FBXL7: variants seen among roughly 807,000 people sequenced by gnomAD.
FBXL7 encodes the protein F-box/LRR-repeat protein 7.
Under a neutral mutation model 38.3 loss-of-function variants are expected in FBXL7, and 12 were observed. The observed-to-expected ratio is 0.31, with a 90% CI of 0.20 to 0.51. The LOEUF (loss-of-function observed/expected upper bound fraction) is 0.51, where lower values mean the gene tolerates loss of function less well. Among genes scored for constraint, FBXL7 ranks in the 20% least tolerant of loss-of-function variants. The pLI is 0.98. For missense variants in FBXL7, 567 were observed against 676.4 expected (o/e 0.84, Z 1.79); for synonymous variants, 297 against 300.9 (o/e 0.99, Z 0.13).
At chr5:15,527,085 A>G (rs1000508545) in intron 1 of FBXL7, among the ~76,000 whole-genome samples, 1 of 152,254 alleles carries the variant, frequency 6.6e-6, no homozygotes, top group African/African-American at 2.4e-5. Context: ...CTTTTAGACC[A>G]GTACACCTAG....
At chr5:15,917,319 A>G (rs1741608667) in intron 2 of FBXL7, among the ~76,000 whole-genome samples, 1 of 152,170 alleles carries the variant, frequency 6.6e-6, no homozygotes, top group Admixed American at 6.5e-5. Context: ...CGCCATAAAT[A>G]TATGGTGATT....
rs548383613 is a variant in FBXL7 at position 15,853,350 on chromosome 5, T to TC, written c.128-74540_128-74539insC. Among the ~76,000 whole-genome samples the TC allele has an allele frequency of 2.6e-3, 400 of 152,192 alleles. 2 individuals carry two copies. Among genetic ancestry groups the TC allele is most frequent in the Non-Finnish European group, 4.2e-3 (285 of 68,012 alleles). ...CTGTATTTTCAAGGAGGTGACATCT[T>TC]GAAGGGGAATTTATGGGATGAGAAA... On this transcript the variant is annotated intron_variant, in intron 2 of 3. Transcript: ENST00000504595.
At chr5:15,806,436 G>A (rs1737714220) in intron 2 of FBXL7, among the ~76,000 whole-genome samples, 1 of 151,992 alleles carries the variant, frequency 6.6e-6, no homozygotes. Flanking sequence ...AAAAAAAATA[G>A]TATCAATAAC....
intron 2 of FBXL7, among the ~76,000 whole-genome samples, chr5:15,778,858 A>G (rs537390546): frequency 3.9e-5 from 6 of 152,306 alleles, no homozygotes; most frequent in African/African-American, 1.4e-4. Context: ...GAAATTGATC[A>G]TGAAAGGATA....
At chr5:15,838,256 G>A (rs1738642517) in intron 2 of FBXL7, among the ~76,000 whole-genome samples, 1 of 152,266 alleles carries the variant, frequency 6.6e-6, no homozygotes, top group East Asian at 1.9e-4. Flanking sequence ...AATTTACATT[G>A]TACAGTTCTA....
chr5:15,759,513 G>A (rs1736386461), intron 2 of FBXL7, among the ~76,000 whole-genome samples: 1 of 151,994 alleles, frequency 6.6e-6, no homozygotes, highest in Admixed American at 6.6e-5. Context: ...ATCCTTACTT[G>A]TACATAGTAA....
intron 2 of FBXL7, among the ~76,000 whole-genome samples, chr5:15,851,614 T>A (rs888978769): frequency 1.3e-5 from 2 of 152,178 alleles, no homozygotes; most frequent in Non-Finnish European, 2.9e-5. Context: ...TTCTCAAGGC[T>A]AAATCCATAT....
intron 2 of FBXL7, among the ~76,000 whole-genome samples, chr5:15,631,235 T>C (rs939686350): frequency 6.6e-6 from 1 of 152,186 alleles, no homozygotes; most frequent in African/African-American, 2.4e-5. Context: ...TGAATTCAAT[T>C]CAGTTATATA....
At chr5:15,821,577 G>A (rs941360207) in intron 2 of FBXL7, among the ~76,000 whole-genome samples, 28 of 135,180 alleles carry the variant, frequency 2.1e-4, no homozygotes, top group African/African-American at 6.9e-4. Flanking sequence ...AACAGTGAGT[G>A]CCTATTAAGG....
At chr5:15,621,600 C>T (rs1051603485) in intron 2 of FBXL7, among the ~76,000 whole-genome samples, 11 of 152,158 alleles carry the variant, frequency 7.2e-5, no homozygotes, top group African/African-American at 2.7e-4. Flanking sequence ...TGAGCCTCAG[C>T]TTCTTTCATA....
chr5:15,500,513 C>T lies in FBXL7; in HGVS notation c.-164C>T. ...CCAGGAGGGGACGCAGCACCCCCTC[C>T]CACTGGAGTGCGGGGACCTCTCCAG... On this transcript the variant is annotated 5_prime_UTR_variant, in exon 1 of 4. Transcript: ENST00000504595. 4.4e-6 allele frequency: 4 copies of T among 903,052 alleles called. No individual in the cohort carries two copies. The highest frequency in any genetic ancestry group is 7.3e-6 in the Non-Finnish European group (4 of 545,028). 55.9% of individuals were successfully genotyped at this position (903,052 alleles called of 1,614,324 possible).
intron 2 of FBXL7, among the ~76,000 whole-genome samples, chr5:15,688,946 T>C (rs1292984877): frequency 3.3e-5 from 5 of 152,210 alleles, no homozygotes; most frequent in Non-Finnish European, 7.3e-5. Flanking sequence ...GAATCCATAC[T>C]GGGTAATTGG....
chr5:15,857,384 T>G (rs1376749020), intron 2 of FBXL7, among the ~76,000 whole-genome samples: 1 of 152,208 alleles, frequency 6.6e-6, no homozygotes, highest in Non-Finnish European at 1.5e-5. Context: ...AGATTGCAGA[T>G]AAGGAAGCTG....
chr5:15,602,973 A>G (rs1254265186), intron 1 of FBXL7, among the ~76,000 whole-genome samples: 1 of 152,170 alleles, frequency 6.6e-6, no homozygotes, highest in African/African-American at 2.4e-5. Flanking sequence ...AGCTAGGACT[A>G]CAGGTGCACA....
chr5:15,867,509 T>A (rs1363172502), intron 2 of FBXL7, among the ~76,000 whole-genome samples: 1 of 152,220 alleles, frequency 6.6e-6, no homozygotes, highest in Admixed American at 6.5e-5. Context: ...TCTTCAGTAA[T>A]TCTGATATTG....
chr5:15,892,050 C>G (rs1018819775), intron 2 of FBXL7, among the ~76,000 whole-genome samples: 3 of 152,324 alleles, frequency 2.0e-5, no homozygotes, highest in Middle Eastern at 3.4e-3. Flanking sequence ...TGCCAGTGCT[C>G]CTGGGAGCCA....
At chr5:15,622,211 A>G (rs994848735) in intron 2 of FBXL7, among the ~76,000 whole-genome samples, 4 of 151,986 alleles carry the variant, frequency 2.6e-5, no homozygotes, top group Non-Finnish European at 5.9e-5. Context: ...TGTGAAAAAT[A>G]GAAAGGATAT....
At chr5:15,798,351 T>C (rs952627865) in intron 2 of FBXL7, among the ~76,000 whole-genome samples, 2 of 152,236 alleles carry the variant, frequency 1.3e-5, no homozygotes, top group African/African-American at 4.8e-5. Context: ...CTCTACTCTA[T>C]GCATTTCTTT....
At chr5:15,609,836 T>A (rs1740166764) in intron 1 of FBXL7, among the ~76,000 whole-genome samples, 1 of 152,190 alleles carries the variant, frequency 6.6e-6, no homozygotes, top group African/African-American at 2.4e-5. Flanking sequence ...GGGACTGAGG[T>A]GACAGCAATT....
Sources: allele counts gnomAD v4.1 joint callset (sites outside exome capture counted in the v4.1 genomes callset), GRCh38; gene constraint gnomAD v4.1.1; transcripts MANE v1.5; gene names NCBI Gene and HGNC (gene_info 2026-07-23, HGNC 2026-07-21).